PABPC4L: variants seen among roughly 807,000 people sequenced by gnomAD.
PABPC4L encodes polyadenylate-binding protein 4-like.
For synonymous variants in PABPC4L, 169 were observed against 164.1 expected, an observed-to-expected ratio of 1.03 and a Z score of -0.23; for missense variants, 452 against 451.4, an observed-to-expected ratio of 1.00 and a Z score of -0.01.
At chr4:134,174,910 G>T in the PABPC4L span, among the ~76,000 whole-genome samples, 1 of 151,998 alleles carries the variant, frequency 6.6e-6, no homozygotes, top group East Asian at 1.9e-4. Context: ...AGCGGGTTTT[G>T]AAATAGTAGG....
chr4:133,987,331 G>A, the PABPC4L span, among the ~76,000 whole-genome samples: 6 of 152,256 alleles, frequency 3.9e-5, no homozygotes, highest in Admixed American at 3.3e-4. Context: ...TGTATTAAAT[G>A]AATGCTGTAA....
At chr4:134,155,412 T>TCACACACA in the PABPC4L span, among the ~76,000 whole-genome samples, 58,233 of 146,774 alleles carry the variant, frequency 0.4, 11,736 homozygotes, top group East Asian at 0.48. Flanking sequence ...CTCTCCCAGT[T>TCACACACA]CACACACACA....
At chr4:134,107,164 C>T in the PABPC4L span, among the ~76,000 whole-genome samples, 2 of 150,776 alleles carry the variant, frequency 1.3e-5, no homozygotes, top group Admixed American at 1.3e-4. Context: ...AAACGATTTA[C>T]CTACAGTTAC....
At chr4:134,112,614 CTATATATCTAT>C in the PABPC4L span, among the ~76,000 whole-genome samples, 2 of 143,496 alleles carry the variant, frequency 1.4e-5, no homozygotes, top group African/African-American at 5.3e-5. Context: ...ATCTATCTAT[CTATATATCTAT>C]CTATATATCA....
At chr4:134,085,460 C>G in the PABPC4L span, among the ~76,000 whole-genome samples, 2 of 151,906 alleles carry the variant, frequency 1.3e-5, no homozygotes, top group Non-Finnish European at 2.9e-5. Context: ...CACGCACTAA[C>G]GCAAAGTCAC....
chr4:134,098,866 G>A, the PABPC4L span, among the ~76,000 whole-genome samples: 5 of 151,640 alleles, frequency 3.3e-5, no homozygotes, highest in Non-Finnish European at 7.4e-5. Context: ...TTTCGAGAAG[G>A]AATAGTAAGT....
At chr4:134,076,995 G>T in the PABPC4L span, among the ~76,000 whole-genome samples, 2 of 151,976 alleles carry the variant, frequency 1.3e-5, no homozygotes, top group Non-Finnish European at 2.9e-5. Context: ...CATTTTTATA[G>T]CATGAATAGT....
the PABPC4L span, among the ~76,000 whole-genome samples, chr4:134,052,354 G>A: frequency 6.6e-6 from 1 of 152,028 alleles, no homozygotes; most frequent in Non-Finnish European, 1.5e-5. Flanking sequence ...TGTCTACACA[G>A]TGAAGTTGTA....
At chr4:134,149,325 G>A in the PABPC4L span, among the ~76,000 whole-genome samples, 1 of 152,110 alleles carries the variant, frequency 6.6e-6, no homozygotes, top group Admixed American at 6.6e-5. Context: ...AAAAAAGATG[G>A]GAGAACTTTT....
the PABPC4L span, among the ~76,000 whole-genome samples, chr4:134,094,248 T>A: frequency 6.6e-6 from 1 of 152,006 alleles, no homozygotes; most frequent in South Asian, 2.1e-4. Flanking sequence ...CATATTTTTA[T>A]TGAAAGGTAT....
the PABPC4L span, among the ~76,000 whole-genome samples, chr4:134,187,386 C>G: frequency 6.6e-6 from 1 of 151,896 alleles, no homozygotes; most frequent in African/African-American, 2.4e-5. Flanking sequence ...AGTTCATGTC[C>G]TTTGTAGGGA....
chr4:134,186,524 C>A, the PABPC4L span, among the ~76,000 whole-genome samples: 994 of 152,234 alleles, frequency 6.5e-3, 10 homozygotes, highest in African/African-American at 0.022. Flanking sequence ...TTCCTTACAT[C>A]TTATACAAAA....
At chr4:134,071,422 T>C in the PABPC4L span, among the ~76,000 whole-genome samples, 9 of 152,314 alleles carry the variant, frequency 5.9e-5, no homozygotes, top group African/African-American at 2.2e-4. Flanking sequence ...TGACAAGTTA[T>C]GCTAATTGGC....
the PABPC4L span, among the ~76,000 whole-genome samples, chr4:134,059,779 G>A: frequency 6.6e-6 from 1 of 151,984 alleles, no homozygotes; most frequent in East Asian, 1.9e-4. Context: ...AAAAAAGAGA[G>A]GCGAAGCAAG....
the PABPC4L span, among the ~76,000 whole-genome samples, chr4:134,112,360 C>T: frequency 6.6e-5 from 10 of 151,794 alleles, no homozygotes; most frequent in South Asian, 2.1e-4. Flanking sequence ...ATATATTTTA[C>T]GGATGATTTT....
chr4:133,958,521 C>A, the PABPC4L span, among the ~76,000 whole-genome samples: 2 of 152,208 alleles, frequency 1.3e-5, no homozygotes, highest in African/African-American at 4.8e-5. Flanking sequence ...TGCCCCACTA[C>A]TCCTGGCATC....
chr4:134,154,907 T>A, the PABPC4L span, among the ~76,000 whole-genome samples: 4 of 152,102 alleles, frequency 2.6e-5, no homozygotes, highest in South Asian at 4.1e-4. Context: ...GATATTAATT[T>A]TCAGGTAAAG....
the PABPC4L span, among the ~76,000 whole-genome samples, chr4:134,045,115 A>C: frequency 6.6e-6 from 1 of 152,176 alleles, no homozygotes; most frequent in Non-Finnish European, 1.5e-5. Flanking sequence ...ATGCATATAA[A>C]ATTTATACTT....
chr4:133,985,716 G>C, the PABPC4L span, among the ~76,000 whole-genome samples: 17 of 151,796 alleles, frequency 1.1e-4, no homozygotes, highest in East Asian at 1.7e-3. Flanking sequence ...GAAGTATTTG[G>C]GGTTTGTTTT....
Sources: allele counts gnomAD v4.1 joint callset (sites outside exome capture counted in the v4.1 genomes callset), GRCh38; gene constraint gnomAD v4.1.1; transcripts MANE v1.5; gene names NCBI Gene and HGNC (gene_info 2026-07-23, HGNC 2026-07-21).